Variants in MAGI2 observed in about 807,000 individuals in gnomAD.
MAGI2 encodes the protein membrane associated guanylate kinase, WW and PDZ domain containing 2.
Under a neutral mutation model 133.3 loss-of-function variants are expected in MAGI2, and 35 were observed. The observed-to-expected ratio is 0.26, with a 90% CI of 0.20 to 0.35. The LOEUF is 0.35. MAGI2 is among the 10% of genes least tolerant of loss of function. The pLI is 1.00. For missense variants in MAGI2, 1,636 were observed against 1,863.4 expected, an observed-to-expected ratio of 0.88 and a Z score of 2.25; for synonymous variants, 729 against 710.6, an observed-to-expected ratio of 1.03 and a Z score of -0.41.
intron 3 of MAGI2, among the ~76,000 whole-genome samples, chr7:78,577,665 C>T (rs200944897): frequency 2.1e-5 from 2 of 94,136 alleles, no homozygotes; most frequent in Admixed American, 2.7e-4. Flanking sequence ...GGGCAGGAGT[C>T]GGGGGGTCAC....
At chr7:78,984,427 A>C (rs1443251277) in intron 2 of MAGI2, among the ~76,000 whole-genome samples, 1 of 150,990 alleles carries the variant, frequency 6.6e-6, no homozygotes, top group African/African-American at 2.4e-5. Flanking sequence ...TCCCTCCCTC[A>C]CCCTTCCTTT....
chr7:78,300,493 A>T (rs1321292521), intron 9 of MAGI2, among the ~76,000 whole-genome samples: 2 of 152,236 alleles, frequency 1.3e-5, no homozygotes, highest in Admixed American at 6.5e-5. Flanking sequence ...ATGAATTTTC[A>T]TATAAGTAAA....
At chr7:79,034,517 G>T (rs1810924717) in intron 1 of MAGI2, among the ~76,000 whole-genome samples, 1 of 151,954 alleles carries the variant, frequency 6.6e-6, no homozygotes, top group Non-Finnish European at 1.5e-5. Flanking sequence ...CATGTAATTT[G>T]TATTTCCTGT....
intron 21 of MAGI2, among the ~76,000 whole-genome samples, chr7:78,042,719 T>A (rs1239867202): frequency 6.6e-6 from 1 of 152,236 alleles, no homozygotes; most frequent in African/African-American, 2.4e-5. Flanking sequence ...CTTGTTATCA[T>A]TTGGCCTGCC....
intron 10 of MAGI2, among the ~76,000 whole-genome samples, chr7:78,224,914 C>A (rs1304299544): frequency 1.3e-5 from 2 of 152,100 alleles, no homozygotes; most frequent in African/African-American, 4.8e-5. Context: ...GTTCTCAGGA[C>A]CCCAGACTGT....
At chr7:78,590,960 C>T (rs897941888) in intron 3 of MAGI2, among the ~76,000 whole-genome samples, 1 of 152,102 alleles carries the variant, frequency 6.6e-6, no homozygotes, top group Non-Finnish European at 1.5e-5. Flanking sequence ...AATACACTAG[C>T]CAAATAGCAG....
At chr7:78,601,181 T>C (rs1425196891) in intron 3 of MAGI2, among the ~76,000 whole-genome samples, 1 of 152,120 alleles carries the variant, frequency 6.6e-6, no homozygotes, top group Non-Finnish European at 1.5e-5. Flanking sequence ...GCTTATTGGG[T>C]ACCTTCTATG....
At position 78,590,135 on chromosome 7, in the gene MAGI2, T is replaced by G. The variant is rs1190738927; in HGVS notation, c.538+36985A>C. Reference sequence around the variant, plus strand: ...GGAGAGGCAGAAGAGGGAGTAGTTTTGCAGGAAGACTGTTGTGTTCCTAAA... The same window carrying G: ...GGAGAGGCAGAAGAGGGAGTAGTTTGGCAGGAAGACTGTTGTGTTCCTAAA... On this transcript the variant is annotated intron_variant, in intron 3 of 21. Transcript: ENST00000354212. Among the ~76,000 whole-genome samples the G allele has an allele frequency of 2.6e-5, 4 of 152,362 alleles. No homozygotes were observed. The East Asian group carries it at 7.7e-4, about 29-fold the overall frequency.
Position 78,685,650 on chromosome 7 carries a change from A to ATG in MAGI2, c.419-58413_419-58412dup, listed in dbSNP as rs71827520. Among the ~76,000 whole-genome samples the ATG allele has an allele frequency of 2.6e-3, 392 of 151,044 alleles. 2 individuals are homozygous for ATG. The highest frequency in any genetic ancestry group is 5.3e-3 in the African/African-American group (218 of 41,124). ...TTATATATACGTAACCTATATATAT[A>ATG]TGTGTGTGTGTGTGTGTATATATAG... is the stretch of plus-strand genomic sequence containing the variant. On this transcript the variant is annotated intron_variant, in intron 2 of 21. Coordinates refer to ENST00000354212, the MANE Select transcript of MAGI2 (RefSeq NM_012301.4).
At chr7:79,215,514 A>C (rs1414127953) in intron 1 of MAGI2, among the ~76,000 whole-genome samples, 1 of 151,884 alleles carries the variant, frequency 6.6e-6, no homozygotes, top group Non-Finnish European at 1.5e-5. Flanking sequence ...GGTCTCCACA[A>C]CCCCTTATCT....
At chr7:78,486,790 A>G in intron 6 of MAGI2, 1 of 426,380 alleles carries the variant, frequency 2.3e-6, no homozygotes, top group Non-Finnish European at 4.6e-6. Context: ...TGAAATTCCT[A>G]TCATGTATCT....
rs1005500758 is a variant in MAGI2 at position 79,429,827 on chromosome 7, T to C, written c.301+23193A>G. On this transcript the variant is annotated intron_variant, in intron 1 of 21. Coordinates refer to ENST00000354212, the MANE Select transcript of MAGI2 (RefSeq NM_012301.4). The stretch of plus-strand genomic sequence containing the variant: ...AAAATAATATGATTATCTCATTGAA[T>C]ATAAAGTCAGAAGTCTACCAAATGA... Among the ~76,000 whole-genome samples the C allele has an allele frequency of 2.0e-5, 3 of 152,146 alleles. No homozygotes were observed. In the East Asian group the frequency reaches 5.8e-4, roughly 29 times the overall value.
chr7:78,338,105 T>G (rs1789964087), intron 9 of MAGI2, among the ~76,000 whole-genome samples: 1 of 152,148 alleles, frequency 6.6e-6, no homozygotes, highest in Non-Finnish European at 1.5e-5. Context: ...GATATTTTGG[T>G]TTTTTTATTT....
chr7:78,447,442 G>T (rs1182350553), intron 6 of MAGI2, among the ~76,000 whole-genome samples: 3 of 151,752 alleles, frequency 2.0e-5, no homozygotes, highest in African/African-American at 4.8e-5. Context: ...AATCCTCTGG[G>T]ATTTTTGGTA....
intron 2 of MAGI2, among the ~76,000 whole-genome samples, chr7:78,829,828 T>C (rs563553944): frequency 3.3e-5 from 5 of 152,210 alleles, no homozygotes; most frequent in African/African-American, 1.2e-4. Context: ...AATTCTGAAG[T>C]TCTTTTTGAG....
chr7:78,239,514 T>A (rs1323117507), intron 10 of MAGI2, among the ~76,000 whole-genome samples: 1 of 151,838 alleles, frequency 6.6e-6, no homozygotes, highest in Non-Finnish European at 1.5e-5. Context: ...TGTACATGGA[T>A]AAAGGGTTAA....
intron 1 of MAGI2, among the ~76,000 whole-genome samples, chr7:79,104,042 T>C (rs1818229866): frequency 6.6e-6 from 1 of 152,190 alleles, no homozygotes; most frequent in African/African-American, 2.4e-5. Flanking sequence ...TTGTATTCAC[T>C]TTGTTATAGT....
intron 1 of MAGI2, among the ~76,000 whole-genome samples, chr7:79,228,033 A>T (rs1393604418): frequency 1.3e-5 from 2 of 152,120 alleles, no homozygotes; most frequent in Non-Finnish European, 2.9e-5. Flanking sequence ...GAGATATTTT[A>T]AAAAACAAAA....
intron 1 of MAGI2, among the ~76,000 whole-genome samples, chr7:79,389,049 A>C (rs1481985676): frequency 2.6e-5 from 4 of 151,930 alleles, no homozygotes; most frequent in Non-Finnish European, 2.9e-5. Flanking sequence ...AATACCTAAA[A>C]CACTTCTTTT....
Sources: allele counts gnomAD v4.1 joint callset (sites outside exome capture counted in the v4.1 genomes callset), GRCh38; gene constraint gnomAD v4.1.1; transcripts MANE v1.5; gene names NCBI Gene and HGNC (gene_info 2026-07-23, HGNC 2026-07-21).